RBFOX1: variants seen among roughly 807,000 people sequenced by gnomAD.
RBFOX1 encodes the protein RNA binding fox-1 homolog 1, also known as RNA binding protein fox-1 homolog 1.
In RBFOX1, 8 loss-of-function variants were observed where a neutral mutation model predicts 57.7. The ratio of observed to expected loss-of-function variants is 0.14; its 90% CI spans 0.08 to 0.25. RBFOX1 has a LOEUF of 0.25. Among genes scored for constraint, RBFOX1 ranks in the 10% least tolerant of loss-of-function variants. The probability of loss-of-function intolerance (pLI) is 1.00; values close to 1 mark genes in which losing one functional copy is unlikely to be tolerated. For synonymous variants in RBFOX1, 326 were observed against 222.4 expected (o/e 1.47, Z -4.15); for missense variants, 611 against 548.5 (o/e 1.11, Z -1.14).
Position 5,350,796 on chromosome 16 carries a change from C to T in RBFOX1, c.219+110691C>T, listed in dbSNP as rs142765171. Among the ~76,000 whole-genome samples the T allele has an allele frequency of 2.2e-4, 34 of 152,288 alleles. No individual in the cohort carries two copies. The East Asian group carries it at 3.7e-3, about 16-fold the overall frequency. On this transcript the variant is annotated intron_variant, in intron 1 of 2. Transcript: ENST00000585867. ...CAGGAGAATCACTTGAACCCGGAGG[C>T]GGAGGTTGCAGTGAGCCGATATTGC...
chr16:5,932,976 A>C (rs1481002823), intron 4 of RBFOX1, among the ~76,000 whole-genome samples: 2 of 152,210 alleles, frequency 1.3e-5, no homozygotes, highest in African/African-American at 4.8e-5. Flanking sequence ...AAAGCGACAC[A>C]ATATTTTAAC....
At chr16:5,303,229 T>C (rs889018444) in intron 1 of RBFOX1, among the ~76,000 whole-genome samples, 6 of 152,204 alleles carry the variant, frequency 3.9e-5, no homozygotes, top group Non-Finnish European at 7.3e-5. Flanking sequence ...ATTATCATCA[T>C]AGTGTTGATG....
intron 4 of RBFOX1, among the ~76,000 whole-genome samples, chr16:7,208,451 G>A (rs115596389): frequency 9.9e-4 from 151 of 152,250 alleles, no homozygotes; most frequent in Admixed American, 5.7e-3. Context: ...GCTTCCACTC[G>A]TGGCAGAAAG....
chr16:7,674,457 T>C (rs1361774211), intron 13 of RBFOX1, among the ~76,000 whole-genome samples: 16 of 152,330 alleles, frequency 1.1e-4, no homozygotes, highest in African/African-American at 3.8e-4. Context: ...AGTGGTCTAC[T>C]GCACAGCAAT....
At chr16:6,872,967 T>C (rs2153275551) in intron 3 of RBFOX1, among the ~76,000 whole-genome samples, 1 of 152,276 alleles carries the variant, frequency 6.6e-6, no homozygotes, top group South Asian at 2.1e-4. Context: ...GCAGCTGGTC[T>C]TGAGTATAAT....
At chr16:6,945,386 C>G (rs2079301033) in intron 3 of RBFOX1, among the ~76,000 whole-genome samples, 1 of 151,988 alleles carries the variant, frequency 6.6e-6, no homozygotes, top group Admixed American at 6.6e-5. Context: ...TCTGAACAAC[C>G]TGTGCCATTT....
chr16:5,808,238 G>T (rs114414323), intron 3 of RBFOX1, among the ~76,000 whole-genome samples: 1 of 152,162 alleles, frequency 6.6e-6, no homozygotes, highest in African/African-American at 2.4e-5. Context: ...AAAAGACATA[G>T]GAATATTTCT....
intron 2 of RBFOX1, among the ~76,000 whole-genome samples, chr16:6,352,782 T>A (rs1399140675): frequency 4.6e-5 from 7 of 152,236 alleles, no homozygotes; most frequent in Non-Finnish European, 8.8e-5. Context: ...ACTGCGACGC[T>A]GCCTTGCCCA....
chr16:7,328,390 G>C (rs927080578), intron 4 of RBFOX1, among the ~76,000 whole-genome samples: 2 of 146,252 alleles, frequency 1.4e-5, no homozygotes, highest in African/African-American at 2.6e-5. Flanking sequence ...TGAAGCAGAA[G>C]ACTAGCTTGA....
chr16:6,114,930 C>G (rs972361991), intron 1 of RBFOX1, among the ~76,000 whole-genome samples: 1 of 152,172 alleles, frequency 6.6e-6, no homozygotes, highest in Admixed American at 6.5e-5. Flanking sequence ...ACTATATTTA[C>G]ACTGACTTAG....
At position 7,709,059 on chromosome 16, in the gene RBFOX1, C is replaced by T. The variant is rs368442088; in HGVS notation, c.999C>T (p.Tyr333=). 7.4e-5 allele frequency: 119 copies of T among 1,612,776 alleles called. No individual in the cohort carries two copies. Among genetic ancestry groups the T allele is most frequent in the Middle Eastern group, 3.3e-4 (2 of 6,082 alleles). Reference sequence around the variant, plus strand: ...TTCACCTCTATTTTCCTTTCAGTTACGGACGAGTTTATGCTGCCGACCCCT... The same window carrying T: ...TTCACCTCTATTTTCCTTTCAGTTATGGACGAGTTTATGCTGCCGACCCCT... The part of the protein sequence containing the change: ...PATAAAYSDS[Y]GRVYAADPYH... The change falls in exon 15 of 16, where the codon TAC becomes TAT. Residue 333 remains tyrosine (Y), a synonymous_variant. Transcript: ENST00000550418.
chr16:6,348,253 T>C (rs572924360), intron 2 of RBFOX1, among the ~76,000 whole-genome samples: 3 of 152,310 alleles, frequency 2.0e-5, no homozygotes, highest in Admixed American at 2.0e-4. Flanking sequence ...TTAGGAGCTG[T>C]GTAAACTCAG....
intron 4 of RBFOX1, among the ~76,000 whole-genome samples, chr16:5,967,819 C>G (rs1417386744): frequency 1.3e-5 from 2 of 152,122 alleles, no homozygotes; most frequent in African/African-American, 2.4e-5. Context: ...TCAGTTTTTA[C>G]TACCATCAAT....
At chr16:6,284,892 T>C (rs1426817127) in intron 1 of RBFOX1, among the ~76,000 whole-genome samples, 1 of 152,134 alleles carries the variant, frequency 6.6e-6, no homozygotes, top group Non-Finnish European at 1.5e-5. Flanking sequence ...CTGCAGTTTG[T>C]GAAATGGAGT....
intron 4 of RBFOX1, among the ~76,000 whole-genome samples, chr16:5,977,050 G>T (rs1258961529): frequency 6.6e-6 from 1 of 152,064 alleles, no homozygotes; most frequent in Non-Finnish European, 1.5e-5. Flanking sequence ...ACAGACACAG[G>T]GCATCAGAAT....
In RBFOX1 at chr16:6,139,202, A is replaced by T. The variant is rs78193243; in HGVS notation, c.-127+119210A>T. On this transcript the variant is annotated intron_variant, in intron 1 of 15. Transcript: ENST00000550418. Reference sequence around the variant, plus strand: ...ATGGTCCTGAGGACTGAATCCAAGGACATCCCCTCTCTGCCCACTGAAATC... The same window carrying T: ...ATGGTCCTGAGGACTGAATCCAAGGTCATCCCCTCTCTGCCCACTGAAATC... Among the ~76,000 whole-genome samples, 972 of 152,272 alleles carry T rather than the reference A, an allele frequency of 6.4e-3. 12 individuals are homozygous for T. The highest frequency in any genetic ancestry group is 0.022 in the African/African-American group (922 of 41,562).
intron 4 of RBFOX1, among the ~76,000 whole-genome samples, chr16:7,417,864 T>G (rs773320059): frequency 6.6e-6 from 1 of 152,174 alleles, no homozygotes; most frequent in South Asian, 2.1e-4. Context: ...TGACGCACTT[T>G]CGTTCCTCTG....
chr16:7,564,611 T>A (rs767402419), intron 5 of RBFOX1, among the ~76,000 whole-genome samples: 16 of 146,810 alleles, frequency 1.1e-4, no homozygotes, highest in Non-Finnish European at 5.9e-5. Flanking sequence ...TCCCAGGAGC[T>A]GAGTTGGCTG....
At chr16:6,914,861 C>A (rs936150153) in intron 3 of RBFOX1, among the ~76,000 whole-genome samples, 1 of 152,232 alleles carries the variant, frequency 6.6e-6, no homozygotes, top group Non-Finnish European at 1.5e-5. Flanking sequence ...GTGTTCCAAG[C>A]TGGGCAACAG....
Sources: allele counts gnomAD v4.1 joint callset (sites outside exome capture counted in the v4.1 genomes callset), GRCh38; gene constraint gnomAD v4.1.1; transcripts MANE v1.5; gene names NCBI Gene and HGNC (gene_info 2026-07-23, HGNC 2026-07-21).